The following HOTAIR variants were observed in gnomAD, a reference collection of about 807,000 sequenced individuals.
The protein encoded by HOTAIR is HOX transcript antisense RNA, also known as HOX transcript antisense RNA (non-protein coding).
At chr12:53,971,800 T>A (rs1476800018) in intron 1 of HOTAIR, among the ~76,000 whole-genome samples, 1 of 152,220 alleles carries the variant, frequency 6.6e-6, no homozygotes, top group Non-Finnish European at 1.5e-5. Flanking sequence ...CCCACATGTG[T>A]CCTGTGGTGC....
intron 1 of HOTAIR, among the ~76,000 whole-genome samples, chr12:53,971,805 T>A (rs1011072931): frequency 6.6e-6 from 1 of 152,238 alleles, no homozygotes; most frequent in Admixed American, 6.5e-5. Context: ...ATGTGTCCTG[T>A]GGTGCTCAGA....
At chr12:53,965,297 C>A (rs12315856) in intron 5 of HOTAIR, among the ~76,000 whole-genome samples, 153 of 152,338 alleles carry the variant, frequency 1.0e-3, no homozygotes, top group African/African-American at 3.0e-3. Flanking sequence ...CCATGCCCCC[C>A]CAGCCTGAGG....
intron 5 of HOTAIR, among the ~76,000 whole-genome samples, chr12:53,965,245 C>A (rs1291878323): frequency 6.6e-6 from 1 of 152,258 alleles, no homozygotes; most frequent in Non-Finnish European, 1.5e-5. Flanking sequence ...TTGAACTCTG[C>A]TCCCCTCCCC....
rs377159561 is a variant in HOTAIR at position 53,973,712 on chromosome 12, C to G, written n.59+1186G>C. ...AAGCCTTCGACCGTTTCTTCGACAA[C>G]GCCTACTGCGGTGGCGGCGACCCGC... On this transcript the variant is annotated intron_variant and non_coding_transcript_variant, in intron 1 of 6. Coordinates refer to ENST00000424518, the Ensembl canonical transcript of HOTAIR. The surrounding 1 kb of genome is among the most constrained non-coding windows in gnomAD (Gnocchi z 4.3). 13 of 1,613,380 alleles carry G rather than the reference C, an allele frequency of 8.1e-6. No individual in the cohort carries two copies. In the African/African-American group the frequency reaches 1.5e-4, roughly 18 times the overall value.
Position 53,973,746 on chromosome 12 carries a change from C to A in HOTAIR, n.59+1152G>T, listed in dbSNP as rs1289263689. ...CGGTGGCGGCGACCCGCCCGCCGAG[C>A]CCCCCTGCTCCGGCAAGGGCGAGGC... On this transcript the variant is annotated intron_variant and non_coding_transcript_variant, in intron 1 of 6. Coordinates refer to ENST00000424518, the Ensembl canonical transcript of HOTAIR. This position sits in a 1 kb window ranked among gnomAD's most constrained non-coding sequence, Gnocchi z 4.3. 4 of 1,612,660 alleles carry A rather than the reference C, an allele frequency of 2.5e-6. No homozygotes were observed. Among genetic ancestry groups the A allele is most frequent in the Non-Finnish European group, 3.4e-6 (4 of 1,179,712 alleles).
chr12:53,963,244 C>T (rs953406981), exon 7 of HOTAIR: 1 of 152,256 alleles, frequency 6.6e-6, no homozygotes, highest in Non-Finnish European at 1.5e-5. Context: ...CCTACACAAC[C>T]CCTTCGCTTC....
chr12:53,973,996 G>C lies in HOTAIR; in HGVS notation n.59+902C>G. 3 of 1,289,688 alleles carry C rather than the reference G, an allele frequency of 2.3e-6. No individual in the cohort carries two copies. Among genetic ancestry groups the C allele is most frequent in the Non-Finnish European group, 3.1e-6 (3 of 971,256 alleles). 79.9% of individuals were successfully genotyped at this position (1,289,688 alleles called of 1,614,324 possible). On this transcript the variant is annotated intron_variant and non_coding_transcript_variant, in intron 1 of 6. Transcript: ENST00000424518. The surrounding 1 kb of genome is among the most constrained non-coding windows in gnomAD (Gnocchi z 4.3). ...AGAGAGGGAGGGCGAGAGAAGGGGG[G>C]AGGCAAGGGGAGCGGGGACGGCCTC...
intron 1 of HOTAIR, among the ~76,000 whole-genome samples, chr12:53,969,722 T>C (rs2136373233): frequency 6.6e-6 from 1 of 152,358 alleles, no homozygotes; most frequent in Middle Eastern, 3.4e-3. Flanking sequence ...AGAGCGTCCA[T>C]GTGTGGGACT....
At chr12:53,964,712 CA>C (rs1408076039) in intron 5 of HOTAIR, among the ~76,000 whole-genome samples, 1 of 152,064 alleles carries the variant, frequency 6.6e-6, no homozygotes, top group Non-Finnish European at 1.5e-5. Context: ...GAGGAGGGGC[CA>C]GGGGTGTATG....
Position 53,973,252 on chromosome 12 carries a change from C to G in HOTAIR, n.59+1646G>C. The G allele has an allele frequency of 6.3e-7, 1 of 1,599,738 alleles. No individual in the cohort carries two copies. The highest frequency in any genetic ancestry group is 8.5e-7 in the Non-Finnish European group (1 of 1,174,312). On this transcript the variant is annotated intron_variant and non_coding_transcript_variant, in intron 1 of 6. Transcript: ENST00000424518. This position sits in a 1 kb window ranked among gnomAD's most constrained non-coding sequence, Gnocchi z 4.3. Reference sequence around the variant, plus strand: ...CAGGAGAGGAGAACGATGTTTAACTCGGTCAACCTGGGCAACTTCTGCTCT... The same window carrying G: ...CAGGAGAGGAGAACGATGTTTAACTGGGTCAACCTGGGCAACTTCTGCTCT...
intron 1 of HOTAIR, chr12:53,974,016 G>A (rs1432949257): frequency 1.8e-6 from 2 of 1,138,464 alleles, no homozygotes; most frequent in Non-Finnish European, 2.4e-6. Context: ...GAGCGGGGAC[G>A]GCCTCGTGTT....
At chr12:53,969,426 A>G (rs1051275485) in intron 1 of HOTAIR, among the ~76,000 whole-genome samples, 30 of 152,262 alleles carry the variant, frequency 2.0e-4, no homozygotes, top group South Asian at 6.2e-4. Context: ...ACCTCTGAGC[A>G]GCGTCCACCA....
At chr12:53,967,209 C>A (rs538398967) in intron 3 of HOTAIR, 1 of 152,162 alleles carries the variant, frequency 6.6e-6, no homozygotes, top group African/African-American at 2.4e-5. Context: ...ATTGTTGTCA[C>A]CTCCACCCTC....
At chr12:53,968,374 C>T (rs925710240) in intron 2 of HOTAIR, 1 of 152,192 alleles carries the variant, frequency 6.6e-6, no homozygotes, top group South Asian at 2.1e-4. Context: ...CGCTAATGCA[C>T]GATCCATACC....
rs370955665 is a variant in HOTAIR, at chr12:53,970,639, G to A, written n.60-1883C>T. Reference sequence around the variant, plus strand: ...GAAGTCTCTGTTGGGAGACCCCAGCGTTTCCTAGACATCAACTCTTTGACA... The same window carrying A: ...GAAGTCTCTGTTGGGAGACCCCAGCATTTCCTAGACATCAACTCTTTGACA... On this transcript the variant is annotated intron_variant and non_coding_transcript_variant, in intron 1 of 6. Transcript: ENST00000424518. Among the ~76,000 whole-genome samples the A allele has an allele frequency of 2.6e-5, 4 of 152,318 alleles. No individual in the cohort carries two copies. In the East Asian group the frequency reaches 7.7e-4, roughly 29 times the overall value.
intron 1 of HOTAIR, among the ~76,000 whole-genome samples, chr12:53,971,710 A>G (rs921811474): frequency 2.6e-5 from 4 of 152,212 alleles, no homozygotes; most frequent in African/African-American, 9.6e-5. Context: ...TTTGGATCCA[A>G]GGTTGCTTTC....
intron 1 of HOTAIR, among the ~76,000 whole-genome samples, chr12:53,972,968 G>A (rs1174515043): frequency 6.6e-6 from 1 of 151,312 alleles, no homozygotes; most frequent in Non-Finnish European, 1.5e-5. Context: ...GGAGTGACGA[G>A]AGAAAAACGA....
chr12:53,964,857 T>C (rs893167806), intron 5 of HOTAIR, among the ~76,000 whole-genome samples: 1 of 152,114 alleles, frequency 6.6e-6, no homozygotes, highest in African/African-American at 2.4e-5. Flanking sequence ...GCACAAGAGA[T>C]CGAGTTTGAA....
Position 53,973,994 on chromosome 12 carries a change from G to C in HOTAIR, n.59+904C>G. On this transcript the variant is annotated intron_variant and non_coding_transcript_variant, in intron 1 of 6. Transcript: ENST00000424518. The surrounding 1 kb of genome is among the most constrained non-coding windows in gnomAD (Gnocchi z 4.3). ...CGAGAGAGGGAGGGCGAGAGAAGGG[G>C]GGAGGCAAGGGGAGCGGGGACGGCC... 7.8e-7 allele frequency: 1 copy of C among 1,286,966 alleles called. No individual in the cohort carries two copies. The highest frequency in any genetic ancestry group is 1.0e-6 in the Non-Finnish European group (1 of 968,898). 79.7% of individuals were successfully genotyped at this position (1,286,966 alleles called of 1,614,324 possible).
Sources: gnomAD v4.1 joint callset for allele counts (sites outside exome capture counted in the v4.1 genomes callset) on GRCh38, gnomAD v4.1.1 for gene constraint, Gnocchi (gnomAD v3.1) non-coding constraint, MANE v1.5 for transcripts, NCBI Gene and HGNC (gene_info 2026-07-23, HGNC 2026-07-21) for gene names.